Variants in LRP8 observed in about 807,000 individuals in gnomAD.
The protein encoded by LRP8 is low-density lipoprotein receptor-related protein 8.
A neutral mutation model predicts 111.6 loss-of-function variants in LRP8; 46 were observed. The observed-to-expected ratio is 0.41, with a 90% confidence interval of 0.33 to 0.53. LRP8 has a LOEUF of 0.53. LRP8 is among the 20% of genes least tolerant of loss of function. The pLI is 0.20. For synonymous variants in LRP8, 464 were observed against 511.2 expected (o/e 0.91, Z 1.24); for missense variants, 959 against 1,297.4 (o/e 0.74, Z 4.01).
In LRP8 at chr1:53,257,370, G is replaced by A; in HGVS notation, c.2304C>T (p.Ser768=). The A allele has an allele frequency of 6.2e-7, 1 of 1,614,180 alleles. No individual in the cohort carries two copies. Among genetic ancestry groups the A allele is most frequent in the Non-Finnish European group, 8.5e-7 (1 of 1,180,016 alleles). ...TRAPGTTVHR[S]TYQNHSTETP... ...TCTCTGTGCTGTGGTTCTGGTAGGT[G>A]GATCTGTGGACGGTGGTCCCGGGGG... The change falls in exon 15 of 19, where the codon TCC becomes TCT. Residue 768 remains serine, a synonymous_variant. Transcript: ENST00000306052.
In LRP8 at chr1:53,249,227, G is replaced by A. The variant is rs996199068; in HGVS notation, c.2853+153C>T. ...GCTTTCTTCCACATGCCATTCATTG[G>A]TCTGTGACTAACCCATTTTTCTTCT... On this transcript the variant is annotated intron_variant, in intron 18 of 18. Transcript: ENST00000306052. This position sits in a 1 kb window ranked among gnomAD's most constrained non-coding sequence, Gnocchi z 4.1. Among the ~76,000 whole-genome samples the A allele has an allele frequency of 3.9e-4, 60 of 152,140 alleles. No individual in the cohort carries two copies. The highest frequency in any genetic ancestry group is 1.1e-3 in the African/African-American group (47 of 41,416).
chr1:53,299,148 T>C (rs1650326328), intron 2 of LRP8, among the ~76,000 whole-genome samples: 1 of 151,982 alleles, frequency 6.6e-6, no homozygotes, highest in Non-Finnish European at 1.5e-5. Context: ...GAGCGAATGA[T>C]TGAGTGATGA....
chr1:53,271,440 G>A lies in LRP8; in HGVS notation c.1007-94C>T, dbSNP rs1646758238. On this transcript the variant is annotated intron_variant, in intron 6 of 18. Transcript: ENST00000306052. ...CCTAGAGCAGAAGCAGAGCCTCAGG[G>A]CAGTGGGACTCCCATAGAGGCAGGA... The A allele has an allele frequency of 2.8e-6, 4 of 1,417,998 alleles. No homozygotes were observed. The South Asian group carries it at 3.6e-5, about 13-fold the overall frequency. The allele number at this position is 1,417,998 out of a possible 1,614,324, so 87.8% of individuals were successfully genotyped here.
At position 53,266,588 on chromosome 1, in the gene LRP8, C is replaced by T. The variant is rs775581903; in HGVS notation, c.1312G>A (p.Val438Met). 104 of 1,614,052 alleles carry T rather than the reference C, an allele frequency of 6.4e-5. No homozygotes were observed. The highest frequency in any genetic ancestry group is 8.8e-5 in the Non-Finnish European group (104 of 1,180,056). The change falls in exon 9 of 19, where the codon GTG becomes ATG. Residue 438 changes from valine (V) to methionine (M), a missense_variant. Val to Met is a conservative substitution (Grantham distance 21). Around this residue, in one of 3 missense-constraint regions of LRP8, gnomAD observed 819 missense variants for 1,097.6 expected, o/e 0.75. Transcript: ENST00000306052. The surrounding 1 kb of genome is among the most constrained non-coding windows in gnomAD (Gnocchi z 5.0). ...NRHEVRRIDL[V>M]KRNYSRLIPM... ...ATGAGGCGTGAATAGTTCCGCTTCACCAGGTCGATCCTCCGCACCTCGTGC... is the reference window on the plus strand; with the variant it reads ...ATGAGGCGTGAATAGTTCCGCTTCATCAGGTCGATCCTCCGCACCTCGTGC...
In LRP8 at chr1:53,245,302, A is replaced by G. The variant is rs1215900255; in HGVS notation, c.*1716T>C. 6.6e-6 allele frequency: 1 copy of G among 152,228 alleles called. No individual in the cohort carries two copies. Among genetic ancestry groups the G allele is most frequent in the African/African-American group, 2.4e-5 (1 of 41,456 alleles). 9.4% of individuals were successfully genotyped at this position (152,228 alleles called of 1,614,324 possible). A position where few individuals can be genotyped will look rare whatever the true frequency, so the allele number is the denominator to read the frequency against. On this transcript the variant is annotated 3_prime_UTR_variant, in exon 19 of 19. Coordinates refer to ENST00000306052, the MANE Select transcript of LRP8 (RefSeq NM_004631.5). The stretch of plus-strand genomic sequence containing the variant: ...AGCTCCTCTGCTCCTACTTAAGTCA[A>G]ACACTTCCATGTTGCACCTTGTCCC...
At chr1:53,313,977 G>C (rs567783960) in intron 2 of LRP8, among the ~76,000 whole-genome samples, 1 of 152,150 alleles carries the variant, frequency 6.6e-6, no homozygotes, top group Non-Finnish European at 1.5e-5. Context: ...TGGCAGGGGC[G>C]GGGGAGGCCC....
intron 3 of LRP8, among the ~76,000 whole-genome samples, chr1:53,282,088 T>G (rs1647132109): frequency 6.6e-6 from 1 of 152,202 alleles, no homozygotes; most frequent in Non-Finnish European, 1.5e-5. Flanking sequence ...TCAGACCAGT[T>G]TCTCCTCTTC....
chr1:53,253,392 TATAA>T (rs1645961040), intron 16 of LRP8, among the ~76,000 whole-genome samples: 1 of 152,172 alleles, frequency 6.6e-6, no homozygotes. Context: ...TAAATATTTC[TATAA>T]ATAAGAAAAA....
intron 2 of LRP8, among the ~76,000 whole-genome samples, chr1:53,297,811 T>G (rs1483241526): frequency 6.6e-6 from 1 of 152,120 alleles, no homozygotes; most frequent in East Asian, 1.9e-4. Flanking sequence ...CATAAATCTA[T>G]TTATTTCCCA....
intron 2 of LRP8, among the ~76,000 whole-genome samples, chr1:53,302,767 G>A (rs890126159): frequency 6.7e-6 from 1 of 148,716 alleles, no homozygotes; most frequent in African/African-American, 2.5e-5. Context: ...TCAGCTCACT[G>A]CAGCCTCAAC....
intron 18 of LRP8, among the ~76,000 whole-genome samples, chr1:53,248,286 A>C (rs571032979): frequency 6.6e-6 from 1 of 152,222 alleles, no homozygotes; most frequent in South Asian, 2.1e-4. Flanking sequence ...GCCATCCTCC[A>C]CCAGTGTAGA....
At chr1:53,257,098 A>G (rs1646121945) in intron 15 of LRP8, 142 bp downstream of exon 15, 1 of 766,440 alleles carries the variant, frequency 1.3e-6, no homozygotes, top group East Asian at 2.7e-5. Context: ...CTGGTACTCT[A>G]CCTCCCTCTC....
intron 3 of LRP8, among the ~76,000 whole-genome samples, chr1:53,285,939 G>A (rs1475560950): frequency 1.3e-5 from 2 of 152,168 alleles, no homozygotes; most frequent in Admixed American, 6.5e-5. Flanking sequence ...AGTGGCTCAC[G>A]GCATTTAAAG....
intron 2 of LRP8, among the ~76,000 whole-genome samples, chr1:53,300,665 C>T (rs760303425): frequency 5.3e-5 from 8 of 152,240 alleles, no homozygotes; most frequent in Non-Finnish European, 1.2e-4. Context: ...GCCAGTGACA[C>T]GTGGCTCGGC....
chr1:53,302,771 C>T (rs1651187756), intron 2 of LRP8, among the ~76,000 whole-genome samples: 1 of 150,904 alleles, frequency 6.6e-6, no homozygotes, highest in African/African-American at 2.4e-5. Flanking sequence ...CTCACTGCAG[C>T]CTCAACCTTG....
At position 53,280,725 on chromosome 1, in the gene LRP8, C is replaced by G. The variant is rs760344026; in HGVS notation, c.368-10G>C. On this transcript the variant is annotated splice_polypyrimidine_tract_variant and intron_variant, in intron 3 of 18. Transcript: ENST00000306052. ...GGACACACCTGCTTGGCTGTGGAGA[C>G]AGACGTCCATGCATAGCTTAGCCAA... 3.1e-6 allele frequency: 5 copies of G among 1,610,452 alleles called. No individual in the cohort carries two copies. Among genetic ancestry groups the G allele is most frequent in the Non-Finnish European group, 3.4e-6 (4 of 1,179,898 alleles).
In LRP8 at chr1:53,294,104, G is replaced by A. The variant is rs901031445; in HGVS notation, c.245-4415C>T. Reference sequence around the variant, plus strand: ...GCTGGCCTTGGCTCTGGTTCCCAGGGTGATTCCCCAGCTGGGCTCAAGGCC... The same window carrying A: ...GCTGGCCTTGGCTCTGGTTCCCAGGATGATTCCCCAGCTGGGCTCAAGGCC... On this transcript the variant is annotated intron_variant, in intron 2 of 18. Coordinates refer to ENST00000306052, the MANE Select transcript of LRP8 (RefSeq NM_004631.5). The surrounding 1 kb of genome is among the most constrained non-coding windows in gnomAD (Gnocchi z 4.1). Among the ~76,000 whole-genome samples, 1 of 152,238 alleles carries A rather than the reference G, an allele frequency of 6.6e-6. No homozygotes were observed. Among genetic ancestry groups the A allele is most frequent in the Non-Finnish European group, 1.5e-5 (1 of 68,042 alleles).
intron 1 of LRP8, 143 bp downstream of exon 1, chr1:53,327,645 GA>G: frequency 7.9e-7 from 1 of 1,261,894 alleles, no homozygotes; most frequent in Non-Finnish European, 1.0e-6. Flanking sequence ...GCAAATTCAG[GA>G]ATAGCCGCTT....
intron 2 of LRP8, among the ~76,000 whole-genome samples, chr1:53,295,410 G>A (rs928991146): frequency 1.3e-5 from 2 of 152,158 alleles, no homozygotes; most frequent in Non-Finnish European, 2.9e-5. Flanking sequence ...ACCAAGTTGT[G>A]CACAAAGCTG....
Sources: allele counts gnomAD v4.1 joint callset (sites outside exome capture counted in the v4.1 genomes callset), GRCh38; gene constraint gnomAD v4.1.1; regional missense constraint gnomAD v4.1.1; non-coding constraint Gnocchi (gnomAD v3.1); transcripts MANE v1.5; gene names NCBI Gene and HGNC (gene_info 2026-07-23, HGNC 2026-07-21).